Variants in STAMBPL1 observed in about 807,000 individuals in gnomAD.
STAMBPL1 encodes the protein STAM binding protein like 1.
Under a neutral mutation model 52.9 loss-of-function variants are expected in STAMBPL1, and 44 were observed. The observed-to-expected ratio is 0.83, with a 90% CI of 0.65 to 1.07. The LOEUF (loss-of-function observed/expected upper bound fraction) is 1.07. STAMBPL1 is among the 50% of genes least tolerant of loss of function. STAMBPL1 has a pLI of 0.00. For synonymous variants in STAMBPL1, 164 were observed against 177.3 expected (o/e 0.92, Z 0.60); for missense variants, 511 against 520.8 (o/e 0.98, Z 0.18).
intron 1 of STAMBPL1, among the ~76,000 whole-genome samples, chr10:88,886,087 A>AT (rs968483282): frequency 2.6e-5 from 4 of 152,222 alleles, no homozygotes; most frequent in African/African-American, 9.6e-5. Context: ...AAAATAAACA[A>AT]TTTTTTAAAG....
chr10:88,902,438 C>G (rs1844966366), intron 2 of STAMBPL1, among the ~76,000 whole-genome samples: 1 of 152,206 alleles, frequency 6.6e-6, no homozygotes, highest in South Asian at 2.1e-4. Context: ...TCCCCAGCCA[C>G]TCATGGTGAC....
chr10:88,901,491 T>C (rs1415162647), intron 1 of STAMBPL1, 165 bp from the exon 2 acceptor site: 1 of 402,138 alleles, frequency 2.5e-6, no homozygotes, highest in African/African-American at 2.1e-5. Flanking sequence ...CTTGCAGTTT[T>C]GTATTTTCAG....
At chr10:88,898,811 A>G (rs1844873092) in intron 1 of STAMBPL1, among the ~76,000 whole-genome samples, 1 of 152,150 alleles carries the variant, frequency 6.6e-6, no homozygotes, top group African/African-American at 2.4e-5. Context: ...GGCATATCCC[A>G]CTGCCTCCTA....
At chr10:88,911,160 G>T in intron 5 of STAMBPL1, 149 bp downstream of exon 5, 1 of 496,312 alleles carries the variant, frequency 2.0e-6, no homozygotes, top group Non-Finnish European at 3.5e-6. Flanking sequence ...AAAAATTTAT[G>T]CTGATATCCA....
chr10:88,901,932 T>A (rs1051200041), intron 2 of STAMBPL1, among the ~76,000 whole-genome samples, 194 bp downstream of exon 2: 2 of 152,244 alleles, frequency 1.3e-5, no homozygotes, highest in African/African-American at 4.8e-5. Context: ...ATAAATTTTA[T>A]TTTCCACAAA....
chr10:88,916,238 C>T (rs920650374), intron 7 of STAMBPL1, among the ~76,000 whole-genome samples: 1 of 151,940 alleles, frequency 6.6e-6, no homozygotes, highest in East Asian at 2.0e-4. Flanking sequence ...CATCAACCTT[C>T]ACAACCCTAA....
At chr10:88,901,446 C>T in intron 1 of STAMBPL1, 1 of 346,472 alleles carries the variant, frequency 2.9e-6, no homozygotes, top group Non-Finnish European at 5.2e-6. Flanking sequence ...TTCACACCTT[C>T]ACTTTTAAAG....
intron 2 of STAMBPL1, among the ~76,000 whole-genome samples, chr10:88,905,115 A>G (rs1213613836): frequency 6.6e-6 from 1 of 152,192 alleles, no homozygotes; most frequent in African/African-American, 2.4e-5. Flanking sequence ...AGATAGAAGC[A>G]TGCACAGGGA....
At chr10:88,912,865 A>T (rs1241497408) in intron 5 of STAMBPL1, 2 of 467,886 alleles carry the variant, frequency 4.3e-6, no homozygotes, top group Admixed American at 7.8e-5. Context: ...AGGGATCCTG[A>T]TTGTCATGGC....
At chr10:88,881,159 A>G (rs1478823294) in intron 1 of STAMBPL1, among the ~76,000 whole-genome samples, 1 of 152,134 alleles carries the variant, frequency 6.6e-6, no homozygotes, top group Non-Finnish European at 1.5e-5. Flanking sequence ...TGAGCGACTA[A>G]GACATTGCCC....
chr10:88,903,019 C>T (rs1254458670), intron 2 of STAMBPL1, among the ~76,000 whole-genome samples: 1 of 152,192 alleles, frequency 6.6e-6, no homozygotes, highest in East Asian at 1.9e-4. Context: ...CCCATTTCCA[C>T]CTCTCCAGAG....
intron 4 of STAMBPL1, 50 bp downstream of exon 4, chr10:88,908,827 C>T (rs764918431): frequency 5.6e-6 from 8 of 1,427,536 alleles, no homozygotes; most frequent in Non-Finnish European, 7.6e-6. Flanking sequence ...CCATAAGTAT[C>T]CATTATTGAT....
At chr10:88,891,517 C>T (rs1287615966) in intron 1 of STAMBPL1, among the ~76,000 whole-genome samples, 2 of 152,086 alleles carry the variant, frequency 1.3e-5, no homozygotes, top group Non-Finnish European at 1.5e-5. Context: ...AGATACTTTT[C>T]AATTATAAAG....
intron 3 of STAMBPL1, among the ~76,000 whole-genome samples, chr10:88,907,558 C>T (rs530146747): frequency 2.0e-5 from 3 of 152,176 alleles, no homozygotes; most frequent in Non-Finnish European, 4.4e-5. Flanking sequence ...GAAAAGGCCC[C>T]TATATCTCAG....
chr10:88,921,408 C>T lies in STAMBPL1; in HGVS notation c.1154+13C>T. 1 of 1,602,254 alleles carries T rather than the reference C, an allele frequency of 6.2e-7. No individual in the cohort carries two copies. Among genetic ancestry groups the T allele is most frequent in the East Asian group, 2.2e-5 (1 of 44,750 alleles). ...CAAAGCATAAAGAGTAAGTGTAACT[C>T]TTCAGGGGAGACCAAAGAAGGCTTT... On this transcript the variant is annotated intron_variant, in intron 9 of 10. Transcript: ENST00000371926.
In STAMBPL1 at chr10:88,922,412, C is replaced by T. The variant is rs1316138818; in HGVS notation, c.1230C>T (p.His410=). 1 of 1,612,622 alleles carries T rather than the reference C, an allele frequency of 6.2e-7. No homozygotes were observed. The highest frequency in any genetic ancestry group is 8.5e-7 in the Non-Finnish European group (1 of 1,179,094). ...GTAAAAAAAAGGGCTTTCATCCACA[C>T]ACCAAGGAGCCCAGGCTGTTCAGTG... ...SACKKKGFHP[H]TKEPRLFSIC... Residue 410 remains histidine, a synonymous_variant, in exon 10 of 11, where the codon CAC becomes CAT. Coordinates refer to ENST00000371926, the MANE Select transcript of STAMBPL1 (RefSeq NM_020799.4).
At chr10:88,913,644 T>A (rs56704751) in intron 6 of STAMBPL1, among the ~76,000 whole-genome samples, 186 bp downstream of exon 6, 2,048 of 152,266 alleles carry the variant, frequency 0.013, 32 homozygotes, top group African/African-American at 0.047. Context: ...ATCTTAAAAT[T>A]CAGGAAATAT....
intron 1 of STAMBPL1, among the ~76,000 whole-genome samples, chr10:88,887,296 GT>G (rs879505442): frequency 9.9e-5 from 15 of 151,594 alleles, no homozygotes; most frequent in African/African-American, 1.5e-4. Context: ...GTAGAACTTT[GT>G]TTTTTTTCAA....
intron 1 of STAMBPL1, among the ~76,000 whole-genome samples, chr10:88,889,371 T>G (rs1402052218): frequency 6.6e-6 from 1 of 152,192 alleles, no homozygotes; most frequent in Non-Finnish European, 1.5e-5. Flanking sequence ...ATCAAATACA[T>G]TAAATACCTG....
Sources: allele counts gnomAD v4.1 joint callset (sites outside exome capture counted in the v4.1 genomes callset), GRCh38; gene constraint gnomAD v4.1.1; transcripts MANE v1.5; gene names NCBI Gene and HGNC (gene_info 2026-07-23, HGNC 2026-07-21).